Variants in MAP4K3 observed in about 807,000 individuals in gnomAD.
MAP4K3 encodes mitogen-activated protein kinase kinase kinase kinase 3, also known as MAPK/ERK kinase kinase kinase 3.
In MAP4K3, 94 loss-of-function variants were observed where a neutral mutation model predicts 143.5. The ratio of observed to expected loss-of-function variants is 0.65; its 90% CI spans 0.55 to 0.78. The LOEUF (loss-of-function observed/expected upper bound fraction) is 0.78. Ranked by LOEUF, MAP4K3 falls within the 30% of genes least tolerant of loss-of-function variation. MAP4K3 has a pLI of 0.00. For missense variants in MAP4K3, 1,077 were observed against 1,068.1 expected, an observed-to-expected ratio of 1.01 and a Z score of -0.12; for synonymous variants, 416 against 347.2, an observed-to-expected ratio of 1.20 and a Z score of -2.20.
intron 3 of MAP4K3, among the ~76,000 whole-genome samples, chr2:39,349,653 G>T (rs962880708): frequency 1.3e-5 from 2 of 151,696 alleles, no homozygotes; most frequent in African/African-American, 4.8e-5. Flanking sequence ...AGAGAAGGGA[G>T]AGGTAACAAA....
intron 3 of MAP4K3, among the ~76,000 whole-genome samples, chr2:39,350,423 C>T (rs1396928443): frequency 6.6e-6 from 1 of 152,186 alleles, no homozygotes; most frequent in East Asian, 1.9e-4. Flanking sequence ...GTACTATTTG[C>T]AACTTTTCGT....
At chr2:39,341,184 A>C (rs1665129332) in intron 4 of MAP4K3, among the ~76,000 whole-genome samples, 1 of 152,214 alleles carries the variant, frequency 6.6e-6, no homozygotes, top group Non-Finnish European at 1.5e-5. Context: ...CAAAGGATCA[A>C]TAATTAGACT....
intron 1 of MAP4K3, among the ~76,000 whole-genome samples, chr2:39,380,992 C>T (rs1390417582): frequency 6.6e-6 from 1 of 152,150 alleles, no homozygotes; most frequent in African/African-American, 2.4e-5. Flanking sequence ...ACTCTCAATC[C>T]CTGGCAACCA....
At chr2:39,306,655 T>A (rs1196404525) in intron 15 of MAP4K3, among the ~76,000 whole-genome samples, 1 of 152,242 alleles carries the variant, frequency 6.6e-6, no homozygotes, top group Non-Finnish European at 1.5e-5. Context: ...GAGATTAGTA[T>A]GATAATTTCA....
rs376439292 is a variant in MAP4K3 at position 39,265,187 on chromosome 2, T to C, written c.2136+16A>G. On this transcript the variant is annotated intron_variant, in intron 28 of 33. Transcript: ENST00000263881. ...CTTTTATAGTAAGAATAAGATAGTC[T>C]GACTTTTATGCTTACCTTAATTAAC... The C allele has an allele frequency of 6.8e-6, 10 of 1,475,068 alleles. No homozygotes were observed. In the African/African-American group the frequency reaches 1.2e-4, roughly 18 times the overall value. The allele number at this position is 1,475,068 out of a possible 1,614,324, so 91.4% of individuals were successfully genotyped here.
In MAP4K3 at chr2:39,267,223, G is replaced by A; in HGVS notation, c.1998C>T (p.Ile666=). The A allele has an allele frequency of 6.2e-7, 1 of 1,613,988 alleles. No individual in the cohort carries two copies. Residue 666 remains isoleucine (I), a synonymous_variant, in exon 27 of 34, where the codon ATC becomes ATT. Coordinates refer to ENST00000263881, the MANE Select transcript of MAP4K3 (RefSeq NM_003618.4). Reference sequence around the variant, plus strand: ...ACTTCTGGCACCATTTGGTTTCAGGGATTTTTGCTGATACAGAAAATTTCC... The same window carrying A: ...ACTTCTGGCACCATTTGGTTTCAGGAATTTTTGCTGATACAGAAAATTTCC... ...LPRKFSVSAK[I]PETKWCQKCC...
At chr2:39,428,924 C>G (rs953130297) in intron 1 of MAP4K3, among the ~76,000 whole-genome samples, 5 of 150,874 alleles carry the variant, frequency 3.3e-5, no homozygotes, top group Non-Finnish European at 7.4e-5. Flanking sequence ...AAAAATTAGC[C>G]CAGCATGGTG....
chr2:39,391,900 GGGCCA>G (rs1424759267), intron 1 of MAP4K3, among the ~76,000 whole-genome samples: 1 of 151,854 alleles, frequency 6.6e-6, no homozygotes, highest in Non-Finnish European at 1.5e-5. Context: ...ATGTGAAAAT[GGGCCA>G]GGCGCGGTGG....
At chr2:39,385,070 AG>A (rs1666459475) in intron 1 of MAP4K3, among the ~76,000 whole-genome samples, 2 of 152,198 alleles carry the variant, frequency 1.3e-5, no homozygotes, top group African/African-American at 4.8e-5. Context: ...ATTGCTGAGT[AG>A]GGTTCCACTG....
At chr2:39,323,153 G>GT (rs1333712046) in intron 12 of MAP4K3, among the ~76,000 whole-genome samples, 1 of 152,182 alleles carries the variant, frequency 6.6e-6, no homozygotes, top group Non-Finnish European at 1.5e-5. Context: ...GAGAGGGAAT[G>GT]TAACAGCTTC....
At chr2:39,391,273 G>A (rs1045600121) in intron 1 of MAP4K3, among the ~76,000 whole-genome samples, 2 of 143,950 alleles carry the variant, frequency 1.4e-5, no homozygotes, top group East Asian at 2.1e-4. Context: ...GCAGGAGAAT[G>A]GCGTGAACCC....
intron 22 of MAP4K3, among the ~76,000 whole-genome samples, chr2:39,281,641 T>C (rs1028776815): frequency 6.6e-6 from 1 of 152,124 alleles, no homozygotes; most frequent in Non-Finnish European, 1.5e-5. Flanking sequence ...ATTCCACAGA[T>C]AGCTTTTCCC....
At chr2:39,355,857 T>C (rs935113666) in intron 3 of MAP4K3, among the ~76,000 whole-genome samples, 1 of 152,166 alleles carries the variant, frequency 6.6e-6, no homozygotes, top group Non-Finnish European at 1.5e-5. Flanking sequence ...TATAGTACTC[T>C]TAGACCAGAA....
chr2:39,418,133 G>T lies in MAP4K3; in HGVS notation c.96+18759C>A, dbSNP rs185819798. Among the ~76,000 whole-genome samples, 77 of 151,676 alleles carry T rather than the reference G, an allele frequency of 5.1e-4. 1 individual carries two copies. The highest frequency in any genetic ancestry group is 1.7e-3 in the African/African-American group (70 of 41,302). On this transcript the variant is annotated intron_variant, in intron 1 of 33. Coordinates refer to ENST00000263881, the MANE Select transcript of MAP4K3 (RefSeq NM_003618.4). The stretch of plus-strand genomic sequence containing the variant: ...CAGGAGAATTGCTTGAACCCAGGAG[G>T]CAGAAGGTTGCAGTGAGCAGAGACT...
At position 39,309,470 on chromosome 2, in the gene MAP4K3, A is replaced by T. The variant is rs1409888520; in HGVS notation, c.1047T>A (p.His349Gln). The T allele has an allele frequency of 2.5e-6, 4 of 1,576,642 alleles. No homozygotes were observed. The highest frequency in any genetic ancestry group is 2.6e-6 in the Non-Finnish European group (3 of 1,162,074). The change falls in exon 14 of 34, where the codon CAT becomes CAA. Residue 349 changes from histidine (H) to glutamine (Q), a missense_variant. His to Gln is a conservative substitution (Grantham distance 24). Transcript: ENST00000263881. ...DPPLRKETEP[H>Q]HELPDSDGFL... ...AGGCTATACTACTTACAAGTTCATG[A>T]TGTGGTTCTGTCTCCTTTCTTAAGG...
At chr2:39,369,202 TTTG>T in intron 2 of MAP4K3, among the ~76,000 whole-genome samples, 1 of 82,834 alleles carries the variant, frequency 1.2e-5, no homozygotes, top group South Asian at 5.3e-4. Context: ...AGTTTTTTTT[TTTG>T]TTTTTTTTGA....
intron 1 of MAP4K3, among the ~76,000 whole-genome samples, chr2:39,382,312 C>A (rs918544563): frequency 1.3e-5 from 2 of 152,220 alleles, no homozygotes; most frequent in Non-Finnish European, 2.9e-5. Context: ...AGTAAAACAT[C>A]TGACCATCAT....
chr2:39,277,381 G>A (rs1681310200), intron 24 of MAP4K3, among the ~76,000 whole-genome samples: 1 of 152,166 alleles, frequency 6.6e-6, no homozygotes, highest in South Asian at 2.1e-4. Context: ...TCTCCCCACA[G>A]GAGGTGCTGG....
intron 26 of MAP4K3, among the ~76,000 whole-genome samples, chr2:39,268,241 G>T (rs1255959974): frequency 6.6e-6 from 1 of 152,094 alleles, no homozygotes; most frequent in East Asian, 1.9e-4. Context: ...CTTTTAAAAT[G>T]TAATATAATA....
Sources: gnomAD v4.1 joint callset for allele counts (sites outside exome capture counted in the v4.1 genomes callset) on GRCh38, gnomAD v4.1.1 for gene constraint, MANE v1.5 for transcripts, NCBI Gene and HGNC (gene_info 2026-07-23, HGNC 2026-07-21) for gene names.